PDK1: variants seen among roughly 807,000 people sequenced by gnomAD.
PDK1 encodes pyruvate dehydrogenase kinase 1.
A neutral mutation model predicts 54.2 loss-of-function variants in PDK1; 39 were observed. The observed-to-expected ratio is 0.72, with a 90% CI of 0.56 to 0.94. The LOEUF is 0.94. Among genes scored for constraint, PDK1 ranks in the 40% least tolerant of loss-of-function variants. The pLI, the probability that PDK1 is intolerant of heterozygous loss-of-function variation, is 0.00. For synonymous variants in PDK1, 221 were observed against 207.1 expected, an observed-to-expected ratio of 1.07 and a Z score of -0.58; for missense variants, 552 against 566.0, an observed-to-expected ratio of 0.98 and a Z score of 0.25.
At chr2:172,564,847 A>G in intron 4 of PDK1, 131 bp from the exon 5 acceptor site, 1 of 842,950 alleles carries the variant, frequency 1.2e-6, no homozygotes, top group Non-Finnish European at 1.9e-6. Context: ...GTTTTTATTG[A>G]ATGTAAAATA....
At chr2:172,670,166 C>T in the PDK1 span, among the ~76,000 whole-genome samples, 1 of 152,182 alleles carries the variant, frequency 6.6e-6, no homozygotes, top group Admixed American at 6.5e-5. Context: ...GATTCGCCCA[C>T]GTTAGCCTTC....
chr2:172,604,334 G>A lies in PDK1; in HGVS notation c.*8365G>A, dbSNP rs755780866. ...TCCCAAAGTGCTGGGATTTATAAGC[G>A]TGAGTCACCGTACCTGGCCAGACAT... On this transcript the variant is annotated 3_prime_UTR_variant, in exon 11 of 11. Transcript: ENST00000282077. The A allele has an allele frequency of 2.0e-5, 3 of 152,164 alleles. No individual in the cohort carries two copies. Among genetic ancestry groups the A allele is most frequent in the African/African-American group, 4.8e-5 (2 of 41,438 alleles). The allele number at this position is 152,164 out of a possible 1,614,324, so 9.4% of individuals were successfully genotyped here.
chr2:172,621,992 G>T, the PDK1 span, among the ~76,000 whole-genome samples: 1 of 144,896 alleles, frequency 6.9e-6, no homozygotes, highest in African/African-American at 2.5e-5. Context: ...ATCTCATGAT[G>T]CATGTTTATA....
the PDK1 span, among the ~76,000 whole-genome samples, chr2:172,641,105 T>C: frequency 5.3e-5 from 7 of 132,692 alleles, no homozygotes; most frequent in Admixed American, 1.5e-4. Context: ...CTCCCTCCCT[T>C]CCTTCCTTCC....
Position 172,596,029 on chromosome 2 carries a change from G to T in PDK1, c.*60G>T. Reference sequence around the variant, plus strand: ...TTTTGTATTAAATTTGGAAGGTATGGTGTTCAGAACTATATTATACCAAGT... The same window carrying T: ...TTTTGTATTAAATTTGGAAGGTATGTTGTTCAGAACTATATTATACCAAGT... On this transcript the variant is annotated 3_prime_UTR_variant, in exon 11 of 11. Coordinates refer to ENST00000282077, the MANE Select transcript of PDK1 (RefSeq NM_002610.5). 1 of 1,469,420 alleles carries T rather than the reference G, an allele frequency of 6.8e-7. No individual in the cohort carries two copies. Among genetic ancestry groups the T allele is most frequent in the Non-Finnish European group, 9.3e-7 (1 of 1,071,298 alleles). The allele number at this position is 1,469,420 out of a possible 1,614,324, so 91.0% of individuals were successfully genotyped here.
chr2:172,606,053 C>A lies in PDK1; in HGVS notation c.*10084C>A, dbSNP rs79037658. 6,752 of 152,248 alleles carry A rather than the reference C, an allele frequency of 0.044. 291 individuals carry two copies. The highest frequency in any genetic ancestry group is 0.21 in the East Asian group (1,093 of 5,170). 9.4% of individuals were successfully genotyped at this position (152,248 alleles called of 1,614,324 possible). A position where few individuals can be genotyped will look rare whatever the true frequency, so the allele number is the denominator to read the frequency against. On this transcript the variant is annotated 3_prime_UTR_variant, in exon 11 of 11. Transcript: ENST00000282077. ...ATAAAACCATTTAATTTCATAGATA[C>A]CTTCAGTGGTGGCATCACTGGGTCC...
At chr2:172,678,534 A>C in the PDK1 span, among the ~76,000 whole-genome samples, 1 of 152,168 alleles carries the variant, frequency 6.6e-6, no homozygotes, top group African/African-American at 2.4e-5. Context: ...ATAAACTTAA[A>C]AGTTGACTTT....
At position 172,598,182 on chromosome 2, in the gene PDK1, G is replaced by T. The variant is rs1043740393; in HGVS notation, c.*2213G>T. The stretch of plus-strand genomic sequence containing the variant: ...ATGTTGAAATGTTTTAGAATCCTTT[G>T]AATCTAAGTATTTGTTTCCTAAATG... On this transcript the variant is annotated 3_prime_UTR_variant, in exon 11 of 11. Coordinates refer to ENST00000282077, the MANE Select transcript of PDK1 (RefSeq NM_002610.5). 5 of 152,072 alleles carry T rather than the reference G, an allele frequency of 3.3e-5. No homozygotes were observed. The highest frequency in any genetic ancestry group is 1.2e-4 in the African/African-American group (5 of 41,404). 9.4% of individuals were successfully genotyped at this position (152,072 alleles called of 1,614,324 possible).
chr2:172,570,105 C>T (rs796404315), intron 7 of PDK1, among the ~76,000 whole-genome samples: 18 of 152,310 alleles, frequency 1.2e-4, no homozygotes, highest in African/African-American at 3.4e-4. Context: ...CTTCCAAATT[C>T]GGATGCCTTT....
chr2:172,712,967 T>A, the PDK1 span, among the ~76,000 whole-genome samples: 1 of 152,198 alleles, frequency 6.6e-6, no homozygotes. Context: ...GTAGCTCCTT[T>A]CTGCAGGCAG....
chr2:172,689,140 G>A, the PDK1 span, among the ~76,000 whole-genome samples: 41 of 152,228 alleles, frequency 2.7e-4, no homozygotes, highest in African/African-American at 7.9e-4. Context: ...TTTACAGAGC[G>A]CTGATTGGTC....
rs1049568919 is a variant in PDK1, at chr2:172,593,016, G to T, written c.1138G>T (p.Gly380Cys). Residue 380 changes from glycine (G) to cysteine (C), a missense_variant, in exon 10 of 11, where the codon GGT (glycine) becomes TGT (cysteine). Coordinates refer to ENST00000282077, the MANE Select transcript of PDK1 (RefSeq NM_002610.5). ...QGDLKLYSLE[G>C]YGTDAVIYIK... ...AGACCTGAAGCTGTATTCCCTAGAG[G>T]GTTACGGGACAGATGCAGTTATCTA... is the stretch of plus-strand genomic sequence containing the variant. 4.4e-6 allele frequency: 7 copies of T among 1,603,602 alleles called. No homozygotes were observed. The highest frequency in any genetic ancestry group is 6.0e-6 in the Non-Finnish European group (7 of 1,170,908).
chr2:172,613,340 C>G (rs1366911977), downstream of PDK1, among the ~76,000 whole-genome samples: 1 of 152,220 alleles, frequency 6.6e-6, no homozygotes, highest in Non-Finnish European at 1.5e-5. Context: ...TTCTTTACAG[C>G]TAAACTGTAC....
chr2:172,695,265 T>C, the PDK1 span, among the ~76,000 whole-genome samples: 1 of 152,140 alleles, frequency 6.6e-6, no homozygotes, highest in Non-Finnish European at 1.5e-5. Flanking sequence ...TAAGAACCCA[T>C]GGATGCCATA....
chr2:172,563,790 C>T (rs889004829), intron 3 of PDK1, among the ~76,000 whole-genome samples: 13 of 151,686 alleles, frequency 8.6e-5, no homozygotes, highest in Non-Finnish European at 1.8e-4. Flanking sequence ...GCCGAGATTG[C>T]GCCATTGCTC....
At chr2:172,562,458 A>G (rs1458908360) in intron 3 of PDK1, among the ~76,000 whole-genome samples, 167 bp downstream of exon 3, 1 of 152,250 alleles carries the variant, frequency 6.6e-6, no homozygotes, top group Admixed American at 6.5e-5. Context: ...GGCATAAGAA[A>G]TGCTTCGTGT....
At chr2:172,585,316 A>ATTTTTTTTT (rs538241255) in intron 8 of PDK1, among the ~76,000 whole-genome samples, 8 of 103,300 alleles carry the variant, frequency 7.7e-5, no homozygotes, top group African/African-American at 3.1e-4. Context: ...TGCATTTTTA[A>ATTTTTTTTT]TTTTTTTTTT....
At chr2:172,583,694 AT>A (rs201426849) in intron 8 of PDK1, among the ~76,000 whole-genome samples, 1 of 152,092 alleles carries the variant, frequency 6.6e-6, no homozygotes, top group South Asian at 2.1e-4. Context: ...TTCAAGGCAG[AT>A]TTTTTTAGTT....
chr2:172,585,526 G>C (rs546330950), intron 8 of PDK1, among the ~76,000 whole-genome samples: 24 of 151,782 alleles, frequency 1.6e-4, no homozygotes, highest in Non-Finnish European at 3.2e-4. Context: ...GGGTTTCGCT[G>C]TGTGGGCCAA....
Sources: allele counts gnomAD v4.1 joint callset (sites outside exome capture counted in the v4.1 genomes callset), GRCh38; gene constraint gnomAD v4.1.1; transcripts MANE v1.5; gene names NCBI Gene and HGNC (gene_info 2026-07-23, HGNC 2026-07-21).